Variants in OSBPL3 observed in about 807,000 individuals in gnomAD.
OSBPL3 encodes oxysterol-binding protein-related protein 3.
A neutral mutation model predicts 120.1 loss-of-function variants in OSBPL3; 65 were observed. The ratio of observed to expected loss-of-function variants is 0.54; its 90% CI spans 0.44 to 0.67. The LOEUF (loss-of-function observed/expected upper bound fraction) is 0.67. Ranked by LOEUF, OSBPL3 falls within the 30% of genes least tolerant of loss-of-function variation. The pLI is 0.00. For synonymous variants in OSBPL3, 416 were observed against 402.6 expected (o/e 1.03, Z -0.40); for missense variants, 1,004 against 1,082.1 (o/e 0.93, Z 1.01).
rs1295051340 is a variant in OSBPL3, at chr7:24,797,119, G to A, written c.*3064C>T. ...TGTATGTAGTAGGGGCTACATCAAG[G>A]TTCAACAGCCAAATAAAAACTTTAT... On this transcript the variant is annotated 3_prime_UTR_variant, in exon 23 of 23. Transcript: ENST00000313367. This position sits in a 1 kb window ranked among gnomAD's most constrained non-coding sequence, Gnocchi z 4.8. 1 of 152,140 alleles carries A rather than the reference G, an allele frequency of 6.6e-6. No individual in the cohort carries two copies. Among genetic ancestry groups the A allele is most frequent in the Non-Finnish European group, 1.5e-5 (1 of 68,034 alleles). The allele number at this position is 152,140 out of a possible 1,614,324, so 9.4% of individuals were successfully genotyped here.
chr7:24,852,562 T>C lies in OSBPL3; in HGVS notation c.1100A>G (p.Gln367Arg), dbSNP rs1329241140. Residue 367 changes from glutamine (Q) to arginine (R), a missense_variant, in exon 11 of 23, where the codon CAG becomes CGG. By Grantham distance (43) the Gln-to-Arg change is conservative (BLOSUM62 1). This residue lies in a region of OSBPL3 where 272 missense variants were observed against 248.8 expected (regional missense o/e 1.09). Transcript: ENST00000313367. This position sits in a 1 kb window ranked among gnomAD's most constrained non-coding sequence, Gnocchi z 4.1. ...EREKLKQLME[Q>R]DASSSPSAQV... The stretch of plus-strand genomic sequence containing the variant: ...AGCAGACGGGGAGGAGGAGGCATCC[T>C]GCTCCATCAGCTGCTTCAGTTTCTC... 3.7e-6 allele frequency: 6 copies of C among 1,609,278 alleles called. No homozygotes were observed. The highest frequency in any genetic ancestry group is 2.2e-5 in the East Asian group (1 of 44,798).
At chr7:24,816,466 C>T in intron 18 of OSBPL3, 144 bp downstream of exon 18, 2 of 649,214 alleles carry the variant, frequency 3.1e-6, no homozygotes, top group East Asian at 2.6e-5. Flanking sequence ...AAAGGAGGAA[C>T]ATTTAAACCT....
At chr7:24,823,587 G>C (rs1266579595) in intron 16 of OSBPL3, among the ~76,000 whole-genome samples, 2 of 152,028 alleles carry the variant, frequency 1.3e-5, no homozygotes, top group Non-Finnish European at 2.9e-5. Flanking sequence ...CATCATTAAG[G>C]TTCCTTCTCA....
In OSBPL3 at chr7:24,866,205, T is replaced by A; in HGVS notation, c.414A>T (p.Val138=). The A allele has an allele frequency of 6.2e-7, 1 of 1,612,646 alleles. No individual in the cohort carries two copies. The highest frequency in any genetic ancestry group is 2.2e-5 in the East Asian group (1 of 44,878). Residue 138 remains valine, a synonymous_variant, in exon 6 of 23, where the codon GTA becomes GTT. Coordinates refer to ENST00000313367, the MANE Select transcript of OSBPL3 (RefSeq NM_015550.4). ...VKSEEVFDEW[V]SKLRHHRMYR... ...ACATTCTGTGGTGGCGAAGTTTCGA[T>A]ACCCACTCATCAAAGACTTCTTCTG...
chr7:24,839,797 T>C lies in OSBPL3; in HGVS notation c.1495+893A>G, dbSNP rs529321434. ...TGACGTCAGGAGTTCAAGACCAGCC[T>C]GGGTAATATGGTGAAACCTCGTCTC... On this transcript the variant is annotated intron_variant, in intron 14 of 22. Transcript: ENST00000313367. Among the ~76,000 whole-genome samples the C allele has an allele frequency of 1.7e-3, 261 of 151,814 alleles. 1 individual carries two copies. Among genetic ancestry groups the C allele is most frequent in the Non-Finnish European group, 3.2e-3 (214 of 67,900 alleles).
At chr7:24,934,108 T>G (rs1185533421) in intron 1 of OSBPL3, among the ~76,000 whole-genome samples, 1 of 152,174 alleles carries the variant, frequency 6.6e-6, no homozygotes, top group East Asian at 1.9e-4. Context: ...GTCTTTTACA[T>G]GAAAAATTAA....
intron 16 of OSBPL3, among the ~76,000 whole-genome samples, chr7:24,823,897 T>C (rs1795399685): frequency 6.6e-6 from 1 of 152,262 alleles, no homozygotes; most frequent in Non-Finnish European, 1.5e-5. Context: ...TAGAGAATAA[T>C]GAGCAGAATC....
intron 10 of OSBPL3, among the ~76,000 whole-genome samples, chr7:24,860,402 T>C (rs1242177763): frequency 6.6e-6 from 1 of 152,220 alleles, no homozygotes; most frequent in East Asian, 1.9e-4. Flanking sequence ...TGAAGGATAA[T>C]TGAATCACGG....
rs778153602 is a variant in OSBPL3 at position 24,871,919 on chromosome 7, G to C, written c.213+34C>G. 6.6e-7 allele frequency: 1 copy of C among 1,510,238 alleles called. No individual in the cohort carries two copies. Among genetic ancestry groups the C allele is most frequent in the Non-Finnish European group, 9.2e-7 (1 of 1,085,538 alleles). 93.6% of individuals were successfully genotyped at this position (1,510,238 alleles called of 1,614,324 possible). ...CCAGGTGCTGAGTGGGGCAGTGTGA[G>C]TGCAAATAAAGGGGAGGCCAAGACC... On this transcript the variant is annotated intron_variant, in intron 3 of 22. Transcript: ENST00000313367. This position sits in a 1 kb window ranked among gnomAD's most constrained non-coding sequence, Gnocchi z 4.8.
In OSBPL3 at chr7:24,912,569, C is replaced by T. The variant is rs1390569011; in HGVS notation, c.-149-19948G>A. ...CCCATCCTCACACCCAAAGACAGAACAGCCCCAGCACAGAACAATGACAAT... is the reference window on the plus strand; with the variant it reads ...CCCATCCTCACACCCAAAGACAGAATAGCCCCAGCACAGAACAATGACAAT... On this transcript the variant is annotated intron_variant, in intron 1 of 22. Transcript: ENST00000313367. The surrounding 1 kb of genome is among the most constrained non-coding windows in gnomAD (Gnocchi z 4.5). Among the ~76,000 whole-genome samples, 1 of 152,196 alleles carries T rather than the reference C, an allele frequency of 6.6e-6. No homozygotes were observed. The highest frequency in any genetic ancestry group is 1.5e-5 in the Non-Finnish European group (1 of 68,032).
chr7:24,882,474 T>C (rs1419911600), intron 2 of OSBPL3, among the ~76,000 whole-genome samples: 1 of 152,210 alleles, frequency 6.6e-6, no homozygotes, highest in African/African-American at 2.4e-5. Flanking sequence ...CATGTGTGTA[T>C]ATATTTTCGT....
chr7:24,980,179 G>A (rs928604244), upstream of OSBPL3: 3 of 394,608 alleles, frequency 7.6e-6, no homozygotes, highest in South Asian at 2.1e-4. Flanking sequence ...AGAACTTCTC[G>A]GCGCGCGCCG....
chr7:24,876,058 C>T (rs907530830), intron 2 of OSBPL3, among the ~76,000 whole-genome samples: 3 of 152,114 alleles, frequency 2.0e-5, no homozygotes, highest in Non-Finnish European at 4.4e-5. Flanking sequence ...ACTTCCCTTC[C>T]TCTTTATTGC....
rs1806690408 is a variant in OSBPL3, at chr7:24,899,663, A to T, written c.-149-7042T>A. ...TAGTAACGAGAAGAGCACCAAGGGC[A>T]TGGAGGTCTCTGCAGCCTGACATTA... On this transcript the variant is annotated intron_variant, in intron 1 of 22. Coordinates refer to ENST00000313367, the MANE Select transcript of OSBPL3 (RefSeq NM_015550.4). The surrounding 1 kb of genome is among the most constrained non-coding windows in gnomAD (Gnocchi z 4.0). Among the ~76,000 whole-genome samples, 1 of 152,226 alleles carries T rather than the reference A, an allele frequency of 6.6e-6. No homozygotes were observed. The highest frequency in any genetic ancestry group is 1.5e-5 in the Non-Finnish European group (1 of 68,036).
chr7:24,861,760 G>A lies in OSBPL3; in HGVS notation c.880C>T (p.Pro294Ser). The stretch of plus-strand genomic sequence containing the variant: ...TGTAGTCTTACTGGGCCAGAAAAAG[G>A]TTTCGGGACCTGAAGTAACACCAAA... Reference protein sequence around the residue: ...DAKGTLQVPKPFSGPVRLHSS... With the variant: ...DAKGTLQVPKSFSGPVRLHSS... Residue 294 changes from proline (P) to serine (S), a missense_variant, in exon 10 of 23, where the codon CCT becomes TCT. Pro to Ser is a moderately conservative substitution (Grantham distance 74). Transcript: ENST00000313367. 6.3e-7 allele frequency: 1 copy of A among 1,588,742 alleles called. No individual in the cohort carries two copies. The highest frequency in any genetic ancestry group is 8.6e-7 in the Non-Finnish European group (1 of 1,169,552).
intron 5 of OSBPL3, among the ~76,000 whole-genome samples, chr7:24,870,181 G>A (rs1385557399): frequency 2.6e-5 from 4 of 152,264 alleles, no homozygotes; most frequent in South Asian, 2.1e-4. Context: ...TAGATCTCAC[G>A]CTTCATGCTT....
At position 24,936,092 on chromosome 7, in the gene OSBPL3, TG is replaced by T. The variant is rs1330743384; in HGVS notation, c.-149-43472del. Among the ~76,000 whole-genome samples the T allele has an allele frequency of 6.6e-6, 1 of 151,306 alleles. No individual in the cohort carries two copies. The highest frequency in any genetic ancestry group is 2.4e-5 in the African/African-American group (1 of 41,088). ...ATTCATTCTTAAGATTTCTTCTGGT[TG>T]AAAACTACCATCTTTTGTATCACTC... On this transcript the variant is annotated intron_variant, in intron 1 of 22. Transcript: ENST00000313367. This position sits in a 1 kb window ranked among gnomAD's most constrained non-coding sequence, Gnocchi z 4.2.
intron 10 of OSBPL3, among the ~76,000 whole-genome samples, chr7:24,853,186 A>AGGG (rs1799385205): frequency 6.6e-6 from 1 of 152,224 alleles, no homozygotes; most frequent in African/African-American, 2.4e-5. Flanking sequence ...GTTAAAAACA[A>AGGG]AGCTTATTGG....
In OSBPL3 at chr7:24,830,877, G is replaced by C; in HGVS notation, c.1775C>G (p.Ala592Gly). 6.2e-7 allele frequency: 1 copy of C among 1,612,754 alleles called. No individual in the cohort carries two copies. Among genetic ancestry groups the C allele is most frequent in the Non-Finnish European group, 8.5e-7 (1 of 1,179,640 alleles). ...MVYVAAFAIS[A>G]YASSYYRAGS... is the part of the protein sequence containing the mutation. ...AGCTCGGTAGTAGCTAGATGCATAC[G>C]CTGATATGGCAAAGGCTGCCACATA... The change falls in exon 16 of 23, where the codon GCG becomes GGG. Residue 592 changes from alanine to glycine, a missense_variant. Physicochemically the swap from Ala to Gly is moderately conservative, Grantham distance 60. Around this residue, in one of 4 missense-constraint regions of OSBPL3, gnomAD observed 473 missense variants for 568.0 expected, o/e 0.83. Transcript: ENST00000313367. The surrounding 1 kb of genome is among the most constrained non-coding windows in gnomAD (Gnocchi z 4.4).
Sources: gnomAD v4.1 joint callset for allele counts (sites outside exome capture counted in the v4.1 genomes callset) on GRCh38, gnomAD v4.1.1 for gene constraint, gnomAD v4.1.1 regional missense constraint, Gnocchi (gnomAD v3.1) non-coding constraint, MANE v1.5 for transcripts, NCBI Gene and HGNC (gene_info 2026-07-23, HGNC 2026-07-21) for gene names.